Variants in GABRA3 observed in about 807,000 individuals in gnomAD.
The protein encoded by GABRA3 is gamma-aminobutyric acid type A receptor subunit alpha3.
In GABRA3, 10 loss-of-function variants were observed where a neutral mutation model predicts 30.1. The ratio of observed to expected loss-of-function variants is 0.33; its 90% CI spans 0.20 to 0.56. The LOEUF is 0.56. Ranked by LOEUF, GABRA3 falls within the 20% of genes least tolerant of loss-of-function variation. The pLI is 0.89. For missense variants in GABRA3, 233 were observed against 392.0 expected, an observed-to-expected ratio of 0.59 and a Z score of 3.42; for synonymous variants, 151 against 146.8, an observed-to-expected ratio of 1.03 and a Z score of -0.21.
chrX:152,436,132 T>C (rs1307608503), intron 1 of GABRA3, among the ~76,000 whole-genome samples: 4 of 112,006 alleles, frequency 3.6e-5, no homozygotes, highest in Non-Finnish European at 7.5e-5. Flanking sequence ...CCAATAAATC[T>C]TTCAGTAGCA....
At chrX:152,303,817 G>A (rs1368136939) in intron 3 of GABRA3, among the ~76,000 whole-genome samples, 1 of 109,798 alleles carries the variant, frequency 9.1e-6, no homozygotes, top group African/African-American at 3.3e-5. Context: ...GTCAGGGGGT[G>A]GGGGCCAACG....
intron 2 of GABRA3, among the ~76,000 whole-genome samples, chrX:152,348,895 C>T (rs769532204): frequency 8.9e-6 from 1 of 112,128 alleles, no homozygotes; most frequent in Admixed American, 9.5e-5. Flanking sequence ...GTGTGGATGG[C>T]TGCTGACCAG....
At chrX:152,338,643 T>C (rs192918243) in intron 3 of GABRA3, among the ~76,000 whole-genome samples, 20 of 112,369 alleles carry the variant, frequency 1.8e-4, no homozygotes, top group Non-Finnish European at 9.4e-5. Context: ...AATATTTTCT[T>C]CCAACAGTTT....
At chrX:152,183,073 A>G (rs1187950095) in intron 9 of GABRA3, among the ~76,000 whole-genome samples, 1 of 108,470 alleles carries the variant, frequency 9.2e-6, no homozygotes, top group Non-Finnish European at 1.9e-5. Flanking sequence ...AATGCTGGCC[A>G]TATAAAATGA....
chrX:152,326,966 G>A (rs748728595), intron 3 of GABRA3, among the ~76,000 whole-genome samples: 1 of 108,826 alleles, frequency 9.2e-6, no homozygotes, highest in African/African-American at 3.4e-5. Context: ...CCCATTTCAC[G>A]TGCAGAGACA....
chrX:152,233,284 T>C (rs888235679), intron 5 of GABRA3, among the ~76,000 whole-genome samples: 2 of 111,212 alleles, frequency 1.8e-5, no homozygotes, highest in Non-Finnish European at 3.8e-5. Flanking sequence ...TGGTAGTTTC[T>C]TTTGCTGTGC....
intron 3 of GABRA3, among the ~76,000 whole-genome samples, chrX:152,343,461 A>C (rs1256086516): frequency 9.2e-6 from 1 of 108,789 alleles, no homozygotes; most frequent in Admixed American, 9.9e-5. Flanking sequence ...AAAAAAAAAA[A>C]CAAAACGCAA....
chrX:152,247,128 G>A (rs1163619285), intron 5 of GABRA3, among the ~76,000 whole-genome samples: 1 of 111,701 alleles, frequency 9.0e-6, no homozygotes, highest in Non-Finnish European at 1.9e-5. Context: ...ACATAAAACT[G>A]ACTCAGTCAT....
Position 152,167,649 on chromosome X carries a change from G to A in GABRA3, c.*579C>T, listed in dbSNP as rs200066879. ...ATTTTGGCCATACATGGTAGACGGTGGTTAGTACCAATTGTCCCCACTAAT... is the reference window on the plus strand; with the variant it reads ...ATTTTGGCCATACATGGTAGACGGTAGTTAGTACCAATTGTCCCCACTAAT... On this transcript the variant is annotated 3_prime_UTR_variant, in exon 10 of 10. Coordinates refer to ENST00000370314, the MANE Select transcript of GABRA3 (RefSeq NM_000808.4). 1 of 114,832 alleles carries A rather than the reference G, an allele frequency of 8.7e-6. No individual in the cohort carries two copies. The highest frequency in any genetic ancestry group is 1.8e-5 in the Non-Finnish European group (1 of 54,151). The allele number at this position is 114,832 out of a possible 1,213,427, so 9.5% of individuals were successfully genotyped here.
At chrX:152,210,679 T>A (rs1240353773) in intron 6 of GABRA3, among the ~76,000 whole-genome samples, 1 of 112,427 alleles carries the variant, frequency 8.9e-6, no homozygotes, top group Admixed American at 9.4e-5. Context: ...CAAATAATTT[T>A]AAAAGTTGTA....
intron 5 of GABRA3, among the ~76,000 whole-genome samples, chrX:152,244,454 T>G (rs1268227428): frequency 8.9e-6 from 1 of 112,076 alleles, no homozygotes; most frequent in Non-Finnish European, 1.9e-5. Flanking sequence ...TGTTAGTCTC[T>G]TCTGCCATGT....
chrX:152,435,296 G>C (rs1006706250), intron 1 of GABRA3, among the ~76,000 whole-genome samples: 5 of 111,197 alleles, frequency 4.5e-5, no homozygotes, highest in African/African-American at 1.6e-4. Context: ...GCATGCACAC[G>C]TTTGTTTATT....
At chrX:152,298,414 C>G (rs1405430147) in intron 3 of GABRA3, among the ~76,000 whole-genome samples, 1 of 105,821 alleles carries the variant, frequency 9.4e-6, no homozygotes, top group Non-Finnish European at 1.9e-5. Flanking sequence ...GTGATGTTCC[C>G]CTTCCTGTGT....
rs747135400 is a variant in GABRA3 at position 152,302,782 on chromosome X, C to CT, written c.263-18048dup. On this transcript the variant is annotated intron_variant, in intron 3 of 9. Transcript: ENST00000370314. ...GGGTCTACTGTTTTCATCTTTATGT[C>CT]TGTGTATGCCCTATGTTTAGCTCCC... Among the ~76,000 whole-genome samples, 28 of 110,946 alleles carry CT rather than the reference C, an allele frequency of 2.5e-4. No individual in the cohort carries two copies. In the East Asian group the frequency reaches 8.0e-3, roughly 32 times the overall value.
At chrX:152,323,177 T>A (rs1243504174) in intron 3 of GABRA3, among the ~76,000 whole-genome samples, 6 of 111,774 alleles carry the variant, frequency 5.4e-5, no homozygotes, top group Non-Finnish European at 3.8e-5. Flanking sequence ...ATTAAAGTCA[T>A]CTTAATGGCT....
chrX:152,374,169 T>A (rs1896489726), intron 1 of GABRA3, among the ~76,000 whole-genome samples: 1 of 110,485 alleles, frequency 9.1e-6, no homozygotes, highest in Admixed American at 9.7e-5. Flanking sequence ...TGTAAGTTTG[T>A]TTAGATTCCT....
chrX:152,194,762 TC>T (rs977867698), intron 8 of GABRA3, among the ~76,000 whole-genome samples: 1 of 111,179 alleles, frequency 9.0e-6, no homozygotes, highest in Non-Finnish European at 1.9e-5. Flanking sequence ...TTTCTTATTT[TC>T]TTTAAAAATC....
chrX:152,325,245 C>T (rs1174237131), intron 3 of GABRA3, among the ~76,000 whole-genome samples: 1 of 111,900 alleles, frequency 8.9e-6, no homozygotes, highest in Non-Finnish European at 1.9e-5. Context: ...CCTGGAGGTT[C>T]TAAGATGGCC....
At chrX:152,398,277 TGGGC>T (rs1929711530) in intron 1 of GABRA3, among the ~76,000 whole-genome samples, 2 of 92,926 alleles carry the variant, frequency 2.2e-5, no homozygotes, top group Non-Finnish European at 2.1e-5. Flanking sequence ...TTTTTTTTTT[TGGGC>T]TCTACAGCCC....
Sources: gnomAD v4.1 joint callset for allele counts (sites outside exome capture counted in the v4.1 genomes callset) on GRCh38, gnomAD v4.1.1 for gene constraint, MANE v1.5 for transcripts, NCBI Gene and HGNC (gene_info 2026-07-23, HGNC 2026-07-21) for gene names.